Variants in DMD observed in about 807,000 individuals in gnomAD.
DMD encodes dystrophin.
In DMD, 63 loss-of-function variants were observed where a neutral mutation model predicts 330.1. The ratio of observed to expected loss-of-function variants is 0.19; its 90% CI spans 0.16 to 0.24. The LOEUF (loss-of-function observed/expected upper bound fraction) is 0.24. Among genes scored for constraint, DMD ranks in the 10% least tolerant of loss-of-function variants. DMD has a pLI of 1.00. For missense variants in DMD, 3,344 were observed against 2,684.1 expected (o/e 1.25, Z -5.43); for synonymous variants, 1,223 against 959.8 (o/e 1.27, Z -5.07).
At chrX:33,276,089 G>A (rs958828002) in intron 1 of DMD, among the ~76,000 whole-genome samples, 1 of 111,655 alleles carries the variant, frequency 9.0e-6, no homozygotes, top group African/African-American at 3.3e-5. Context: ...TAATAAAGAT[G>A]AAATTTTTGT....
chrX:31,448,011 C>CAAAAAAAAAAAAA, intron 59 of DMD, among the ~76,000 whole-genome samples: 1 of 35,303 alleles, frequency 2.8e-5, no homozygotes, highest in Non-Finnish European at 5.7e-5. Context: ...ACTCTGTCTC[C>CAAAAAAAAAAAAA]AAAAAAAAAA....
chrX:32,711,617 A>G (rs1281249411), intron 7 of DMD, among the ~76,000 whole-genome samples: 2 of 111,864 alleles, frequency 1.8e-5, no homozygotes, highest in African/African-American at 3.3e-5. Flanking sequence ...TACAAAAGCC[A>G]TACATGCTTA....
rs993713611 is a variant in DMD at position 31,230,419 on chromosome X, C to A, written c.9287-7298G>T. 4.5e-5 allele frequency among the ~76,000 whole-genome samples: 5 copies of A among 110,928 alleles called. No individual in the cohort carries two copies. In the Admixed American group the frequency reaches 4.8e-4, roughly 11 times the overall value. On this transcript the variant is annotated intron_variant, in intron 63 of 78. Transcript: ENST00000357033. ...ATCCCAGCACTTATGGAGGTCGAGG[C>A]GGGCGGATCACGAGGTCAGGAGTTC... is the stretch of plus-strand genomic sequence containing the variant.
At chrX:32,552,078 C>A (rs1165904684) in intron 16 of DMD, among the ~76,000 whole-genome samples, 1 of 111,415 alleles carries the variant, frequency 9.0e-6, no homozygotes, top group Non-Finnish European at 1.9e-5. Context: ...ATGCTATTCC[C>A]AAAAAACTAC....
At chrX:31,930,607 A>G in intron 46 of DMD, among the ~76,000 whole-genome samples, 1 of 112,000 alleles carries the variant, frequency 8.9e-6, no homozygotes. Flanking sequence ...CAAGTTCCTC[A>G]GTCACACGAC....
intron 41 of DMD, among the ~76,000 whole-genome samples, chrX:32,321,978 C>T (rs12008931): frequency 0.055 from 6,117 of 110,854 alleles, 389 homozygotes; most frequent in African/African-American, 0.18. Context: ...CAATAGACAA[C>T]TTAGAAAAGA....
intron 51 of DMD, among the ~76,000 whole-genome samples, chrX:31,768,433 CTT>C (rs1308075968): frequency 1.9e-5 from 2 of 107,566 alleles, no homozygotes; most frequent in African/African-American, 3.4e-5. Flanking sequence ...TTTCTTTTGT[CTT>C]TTCTCTCTCC....
In DMD at chrX:31,331,616, G is replaced by A. The variant is rs188452290; in HGVS notation, c.9164-7958C>T. 1.9e-3 allele frequency among the ~76,000 whole-genome samples: 212 copies of A among 111,628 alleles called. 1 individual carries two copies. Among genetic ancestry groups the A allele is most frequent in the African/African-American group, 6.7e-3 (205 of 30,726 alleles). ...GCTCAAGGAATTTTCGAGTAAATTC[G>A]AACATAATTGGCTGACTGCATTACC... On this transcript the variant is annotated intron_variant, in intron 61 of 78. Transcript: ENST00000357033.
chrX:31,857,490 A>G (rs1315615173), intron 48 of DMD, among the ~76,000 whole-genome samples: 1 of 109,624 alleles, frequency 9.1e-6, no homozygotes, highest in Non-Finnish European at 1.9e-5. Flanking sequence ...TAATGTTCAA[A>G]TTAAAACTTT....
chrX:32,621,699 G>T (rs978082972), intron 11 of DMD, among the ~76,000 whole-genome samples: 8 of 110,158 alleles, frequency 7.3e-5, no homozygotes, highest in Admixed American at 2.9e-4. Context: ...AGAATGGCTG[G>T]GTGTGTGCAA....
chrX:32,672,920 C>G (rs1449094329), intron 9 of DMD, among the ~76,000 whole-genome samples: 2 of 110,751 alleles, frequency 1.8e-5, no homozygotes, highest in Non-Finnish European at 3.8e-5. Flanking sequence ...CCTGCCATTC[C>G]TTTGGAATTT....
intron 60 of DMD, among the ~76,000 whole-genome samples, chrX:31,409,204 T>A (rs2061535311): frequency 8.9e-6 from 1 of 112,137 alleles, no homozygotes; most frequent in African/African-American, 3.2e-5. Context: ...TCCTTTCCCA[T>A]CCAAGGAAAG....
intron 26 of DMD, among the ~76,000 whole-genome samples, chrX:32,449,682 G>A: frequency 9.2e-6 from 1 of 108,705 alleles, no homozygotes; most frequent in Non-Finnish European, 1.9e-5. Context: ...AGCTACAAGA[G>A]AGTTGGTGGT....
At chrX:32,753,192 G>A (rs921821409) in intron 7 of DMD, among the ~76,000 whole-genome samples, 1 of 111,231 alleles carries the variant, frequency 9.0e-6, no homozygotes. Flanking sequence ...TCCAGATACA[G>A]ATTCCCTGAT....
chrX:32,800,668 A>G (rs2148685569), intron 7 of DMD, among the ~76,000 whole-genome samples: 1 of 110,781 alleles, frequency 9.0e-6, no homozygotes, highest in Admixed American at 9.7e-5. Flanking sequence ...TCCGTCATCT[A>G]TGTTAGGTAT....
intron 1 of DMD, among the ~76,000 whole-genome samples, chrX:33,090,065 GAAGT>G (rs1335326811): frequency 9.0e-6 from 1 of 111,418 alleles, no homozygotes; most frequent in Non-Finnish European, 1.9e-5. Context: ...CTTTAACCAC[GAAGT>G]AAGTGATAGC....
chrX:31,486,990 G>C (rs1026389895), intron 57 of DMD, among the ~76,000 whole-genome samples: 55 of 111,757 alleles, frequency 4.9e-4, no homozygotes, highest in African/African-American at 1.7e-3. Flanking sequence ...TCTTGGAAAA[G>C]GGCAAGCAAT....
intron 2 of DMD, among the ~76,000 whole-genome samples, chrX:32,860,387 A>AT (rs2081983066): frequency 8.9e-6 from 1 of 112,104 alleles, no homozygotes; most frequent in Admixed American, 9.5e-5. Flanking sequence ...AGCCATGGAC[A>AT]TAACTGTCGC....
chrX:31,314,498 G>A (rs993299513), intron 62 of DMD, among the ~76,000 whole-genome samples: 28 of 111,659 alleles, frequency 2.5e-4, no homozygotes, highest in African/African-American at 9.1e-4. Flanking sequence ...GTTTCAGGAA[G>A]AGCAGCGAGG....
Sources: gnomAD v4.1 joint callset for allele counts (sites outside exome capture counted in the v4.1 genomes callset) on GRCh38, gnomAD v4.1.1 for gene constraint, MANE v1.5 for transcripts, NCBI Gene and HGNC (gene_info 2026-07-23, HGNC 2026-07-21) for gene names.